The following ARHGAP27 variants were observed in gnomAD, a reference collection of about 807,000 sequenced individuals.
The protein encoded by ARHGAP27 is rho GTPase-activating protein 27.
A neutral mutation model predicts 102.0 loss-of-function variants in ARHGAP27; 53 were observed. The ratio of observed to expected loss-of-function variants is 0.52; its 90% CI spans 0.42 to 0.65. The LOEUF (loss-of-function observed/expected upper bound fraction) is 0.65, where lower values mean the gene tolerates loss of function less well. Ranked by LOEUF, ARHGAP27 falls within the 30% of genes least tolerant of loss-of-function variation. The pLI, the probability that ARHGAP27 is intolerant of heterozygous loss-of-function variation, is 0.00. For synonymous variants in ARHGAP27, 525 were observed against 542.8 expected (o/e 0.97, Z 0.46); for missense variants, 1,117 against 1,256.2 (o/e 0.89, Z 1.68).
chr17:45,406,543 T>C (rs543629267), intron 4 of ARHGAP27, among the ~76,000 whole-genome samples: 8 of 152,294 alleles, frequency 5.3e-5, no homozygotes, highest in Admixed American at 2.0e-4. Flanking sequence ...TAATAAAACA[T>C]CGATAACCCA....
rs1319480816 is a variant in ARHGAP27, at chr17:45,397,039, C to A, written c.1843-15G>T. On this transcript the variant is annotated splice_polypyrimidine_tract_variant and intron_variant, in intron 13 of 19. Coordinates refer to ENST00000685559, the MANE Select transcript of ARHGAP27 (RefSeq NM_001282290.2). ...AGCTCTGCGGACTGGATTCCCATAG[C>A]CTCAGAGAGGCGGGGCCTTGAGCCA... 2 of 1,601,276 alleles carry A rather than the reference C, an allele frequency of 1.2e-6. No homozygotes were observed. Among genetic ancestry groups the A allele is most frequent in the Admixed American group, 1.7e-5 (1 of 59,882 alleles).
At chr17:45,410,032 A>C in intron 4 of ARHGAP27, 1 of 638,004 alleles carries the variant, frequency 1.6e-6, no homozygotes, top group Non-Finnish European at 2.6e-6. Flanking sequence ...TCCCCTGTCC[A>C]CAAGCAGGTG....
In ARHGAP27 at chr17:45,430,207, G is replaced by C; in HGVS notation, c.73C>G (p.Arg25Gly). The C allele has an allele frequency of 6.4e-7, 1 of 1,556,760 alleles. No homozygotes were observed. Among genetic ancestry groups the C allele is most frequent in the Admixed American group, 1.8e-5 (1 of 54,080 alleles). The change falls in exon 4 of 20, where the codon CGC (arginine) becomes GGC (glycine). Residue 25 changes from arginine (R) to glycine (G), a missense_variant. Transcript: ENST00000685559. This position sits in a 1 kb window ranked among gnomAD's most constrained non-coding sequence, Gnocchi z 4.4. Reference sequence around the variant, plus strand: ...TCATTCGGCCGGATGGCCACGCGGCGCCCGTCCTTGCCGGTGTACTCGAAG... The same window carrying C: ...TCATTCGGCCGGATGGCCACGCGGCCCCCGTCCTTGCCGGTGTACTCGAAG... ...HPFEYTGKDG[R>G]RVAIRPNERY...
At chr17:45,406,116 T>TCAGAAACCTTCCAAAATGGTAACAGAG (rs2047139821) in intron 4 of ARHGAP27, 33 bp from the exon 5 acceptor site, 2 of 1,483,126 alleles carry the variant, frequency 1.3e-6, no homozygotes, top group Non-Finnish European at 1.8e-6. Flanking sequence ...TTTTGTGTTT[T>TCAGAAACCTTCCAAAATGGTAACAGAG]CAGAAACCTT....
At chr17:45,418,677 C>T (rs1197639335) in intron 4 of ARHGAP27, among the ~76,000 whole-genome samples, 6 of 152,096 alleles carry the variant, frequency 3.9e-5, no homozygotes, top group Admixed American at 1.3e-4. Context: ...CTGAGTCAAG[C>T]AGAGGCTGGG....
intron 19 of ARHGAP27, 54 bp downstream of exon 19, chr17:45,395,690 G>A: frequency 1.3e-6 from 2 of 1,568,486 alleles, no homozygotes; most frequent in Non-Finnish European, 1.7e-6. Context: ...GGGAGGCGCT[G>A]GGGGCTTCAG....
At chr17:45,400,322 G>T (rs917056756) in intron 12 of ARHGAP27, among the ~76,000 whole-genome samples, 2 of 152,170 alleles carry the variant, frequency 1.3e-5, no homozygotes, top group Non-Finnish European at 2.9e-5. Flanking sequence ...CATCCTCAAT[G>T]ATATAAAATT....
At position 45,404,646 on chromosome 17, in the gene ARHGAP27, G is replaced by A. The variant is rs1334646029; in HGVS notation, c.1284C>T (p.Tyr428=). The A allele has an allele frequency of 6.2e-7, 1 of 1,613,098 alleles. No individual in the cohort carries two copies. Among genetic ancestry groups the A allele is most frequent in the Non-Finnish European group, 8.5e-7 (1 of 1,179,732 alleles). ...VRLEDPHGKP[Y]FYNPEDSSVR... is the part of the protein sequence containing the mutation. ...CAGAGGAGTCCTCTGGATTGTAGAA[G>A]TATGGCTTCCCGTGGGGGTCCTCCA... The change falls in exon 7 of 20, where the codon TAC becomes TAT. Residue 428 remains tyrosine, a synonymous_variant. Transcript: ENST00000685559.
chr17:45,396,160 C>T (rs988051659), intron 17 of ARHGAP27, 43 bp from the exon 18 acceptor site: 3 of 1,595,764 alleles, frequency 1.9e-6, no homozygotes, highest in African/African-American at 1.3e-5. Context: ...AAATCAGTAC[C>T]CCTTGCGCCT....
At chr17:45,413,616 G>C (rs1043921079) in intron 4 of ARHGAP27, among the ~76,000 whole-genome samples, 1 of 152,144 alleles carries the variant, frequency 6.6e-6, no homozygotes, top group East Asian at 1.9e-4. Context: ...TTCTGACTTC[G>C]GGTTTCGATT....
chr17:45,398,480 A>G (rs1285498742), intron 12 of ARHGAP27, among the ~76,000 whole-genome samples: 1 of 152,186 alleles, frequency 6.6e-6, no homozygotes, highest in Non-Finnish European at 1.5e-5. Context: ...TCATACCTGT[A>G]ATCCCAGCAC....
chr17:45,399,293 C>T (rs922002536), intron 12 of ARHGAP27, among the ~76,000 whole-genome samples: 2 of 152,168 alleles, frequency 1.3e-5, no homozygotes, highest in African/African-American at 4.8e-5. Context: ...ATTTAAACTG[C>T]TTTTTAAAAT....
intron 12 of ARHGAP27, among the ~76,000 whole-genome samples, chr17:45,399,457 T>G (rs1259169338): frequency 1.3e-5 from 2 of 151,944 alleles, no homozygotes; most frequent in African/African-American, 4.8e-5. Flanking sequence ...CTGGGCCTGG[T>G]GGCACGCACC....
chr17:45,409,255 T>C (rs1324402039), intron 4 of ARHGAP27: 1 of 152,302 alleles, frequency 6.6e-6, no homozygotes, highest in African/African-American at 2.4e-5. Context: ...ACAGGCTCTT[T>C]GGAGCAGGAA....
chr17:45,402,719 G>A lies in ARHGAP27; in HGVS notation c.1738C>T (p.Leu580=), dbSNP rs775239403. ...TCCCCAACCCCGCCACTCACCTCCA[G>A]CACATTCTTCCTACTGGATTTGTCT... ...PKDKSSRKNV[L]ELRSRDGSEY... Residue 580 remains leucine (L), a synonymous_variant, in exon 12 of 20, where the codon CTG becomes TTG. Transcript: ENST00000685559. The A allele has an allele frequency of 6.2e-7, 1 of 1,611,060 alleles. No individual in the cohort carries two copies. Among genetic ancestry groups the A allele is most frequent in the African/African-American group, 1.3e-5 (1 of 74,942 alleles).
At chr17:45,423,704 T>C (rs535069414) in intron 4 of ARHGAP27, among the ~76,000 whole-genome samples, 11 of 152,348 alleles carry the variant, frequency 7.2e-5, no homozygotes, top group African/African-American at 2.6e-4. Flanking sequence ...AACCATCCTT[T>C]ATTTTTCATT....
chr17:45,396,550 C>T lies in ARHGAP27; in HGVS notation c.2110G>A (p.Glu704Lys), dbSNP rs1175941977. The change falls in exon 16 of 20, where the codon GAG becomes AAG. Residue 704 changes from glutamate to lysine, a missense_variant. Around this residue, in one of 3 missense-constraint regions of ARHGAP27, gnomAD observed 493 missense variants for 505.5 expected, o/e 0.98. Transcript: ENST00000685559. ...CGTGGCACCCGGCTCCTCTCGCGCT[C>T]ACACAGCGCGGCCAGCGCGCAGCCG... ...VFGCALAALCERERSRVPRFV... is the reference protein window; with the variant it reads ...VFGCALAALCKRERSRVPRFV... 2 of 1,598,158 alleles carry T rather than the reference C, an allele frequency of 1.3e-6. No individual in the cohort carries two copies. The highest frequency in any genetic ancestry group is 1.7e-6 in the Non-Finnish European group (2 of 1,176,272).
At position 45,404,318 on chromosome 17, in the gene ARHGAP27, T is replaced by C; in HGVS notation, c.1430A>G (p.Asp477Gly). Residue 477 changes from aspartate (D) to glycine (G), a missense_variant, in exon 9 of 20, where the codon GAT becomes GGT. By Grantham distance (94) the Asp-to-Gly change is moderately conservative (BLOSUM62 -1). Coordinates refer to ENST00000685559, the MANE Select transcript of ARHGAP27 (RefSeq NM_001282290.2). The part of the protein sequence containing the change: ...PPEEKVPAEL[D>G]EVGSWEEVSP... ...GACTTCCTCCCAGCTCCCAACCTCA[T>C]CCAGCTCTGCTGGGACCTATGGGGG... 6 of 1,614,008 alleles carry C rather than the reference T, an allele frequency of 3.7e-6. No homozygotes were observed. Among genetic ancestry groups the C allele is most frequent in the Non-Finnish European group, 5.1e-6 (6 of 1,179,970 alleles).
rs950682345 is a variant in ARHGAP27, at chr17:45,398,502, G to A, written c.1744-455C>T. Reference sequence around the variant, plus strand: ...TGTAATCCCAGCACTTTGGGAGGCCGAGGCGGGCAGATCATGAGGTCAGGA... The same window carrying A: ...TGTAATCCCAGCACTTTGGGAGGCCAAGGCGGGCAGATCATGAGGTCAGGA... On this transcript the variant is annotated intron_variant, in intron 12 of 19. Transcript: ENST00000685559. Among the ~76,000 whole-genome samples, 3 of 152,254 alleles carry A rather than the reference G, an allele frequency of 2.0e-5. No homozygotes were observed. The East Asian group carries it at 5.8e-4, about 29-fold the overall frequency.
Sources: allele counts gnomAD v4.1 joint callset (sites outside exome capture counted in the v4.1 genomes callset), GRCh38; gene constraint gnomAD v4.1.1; regional missense constraint gnomAD v4.1.1; non-coding constraint Gnocchi (gnomAD v3.1); transcripts MANE v1.5; gene names NCBI Gene and HGNC (gene_info 2026-07-23, HGNC 2026-07-21).